Variants in LRRIQ3 observed in about 807,000 individuals in gnomAD.
LRRIQ3 encodes leucine-rich repeat and IQ domain-containing protein 3.
LRRIQ3 carries 75 observed loss-of-function variants against 59.3 expected under a neutral mutation model. The ratio of observed to expected loss-of-function variants is 1.26; its 90% CI spans 1.05 to 1.53. The LOEUF is 1.53. LRRIQ3 is among the 40% of genes most tolerant of loss of function. The probability of loss-of-function intolerance (pLI) is 0.00; values close to 1 mark genes in which losing one functional copy is unlikely to be tolerated. For synonymous variants in LRRIQ3, 250 were observed against 231.3 expected (o/e 1.08, Z -0.73); for missense variants, 831 against 710.0 (o/e 1.17, Z -1.94).
intron 3 of LRRIQ3, among the ~76,000 whole-genome samples, chr1:74,170,958 T>C (rs1649287654): frequency 6.6e-6 from 1 of 152,150 alleles, no homozygotes; most frequent in South Asian, 2.1e-4. Flanking sequence ...CTTTCTTAAT[T>C]TCCTTTTCAG....
intron 7 of LRRIQ3, among the ~76,000 whole-genome samples, chr1:74,034,680 T>C (rs1193351215): frequency 6.7e-6 from 1 of 149,690 alleles, no homozygotes; most frequent in Non-Finnish European, 1.5e-5. Flanking sequence ...AAGTGTACAC[T>C]AAAGAAAATG....
At position 74,198,157 on chromosome 1, in the gene LRRIQ3, G is replaced by C. The variant is rs1651364575; in HGVS notation, c.-162C>G. The C allele has an allele frequency of 6.6e-7, 1 of 1,507,184 alleles. No homozygotes were observed. The allele number at this position is 1,507,184 out of a possible 1,614,324, so 93.4% of individuals were successfully genotyped here. On this transcript the variant is annotated 5_prime_UTR_variant, in exon 1 of 8. Transcript: ENST00000354431. ...TCATGGTTTTCCGGGCGCCAGCCAAGGCGCTCCGGGGGCGTGGTTACGTGG... is the reference window on the plus strand; with the variant it reads ...TCATGGTTTTCCGGGCGCCAGCCAACGCGCTCCGGGGGCGTGGTTACGTGG...
chr1:74,138,099 A>T (rs1385346052), intron 4 of LRRIQ3, among the ~76,000 whole-genome samples: 2 of 151,910 alleles, frequency 1.3e-5, no homozygotes, highest in African/African-American at 4.8e-5. Context: ...AATTTTAAAA[A>T]AAAAGGAAGA....
intron 5 of LRRIQ3, 152 bp downstream of exon 5, chr1:74,109,242 T>C: frequency 1.5e-6 from 1 of 645,490 alleles, no homozygotes; most frequent in Non-Finnish European, 2.7e-6. Context: ...CATTACTATA[T>C]AACTTTTTTC....
At chr1:74,162,434 T>C (rs1282832110) in intron 3 of LRRIQ3, among the ~76,000 whole-genome samples, 1 of 151,826 alleles carries the variant, frequency 6.6e-6, no homozygotes, top group Non-Finnish European at 1.5e-5. Context: ...AAATGATTGG[T>C]AGAATAATAG....
intron 4 of LRRIQ3, among the ~76,000 whole-genome samples, chr1:74,111,318 G>T (rs1646690910): frequency 6.6e-6 from 1 of 151,906 alleles, no homozygotes; most frequent in Admixed American, 6.6e-5. Context: ...TACATAGTCT[G>T]GTCTGGGATA....
At chr1:74,134,908 T>C (rs1190463695) in intron 4 of LRRIQ3, among the ~76,000 whole-genome samples, 1 of 151,962 alleles carries the variant, frequency 6.6e-6, no homozygotes, top group Non-Finnish European at 1.5e-5. Flanking sequence ...TAAATAATAA[T>C]TTTAAATGAG....
chr1:74,090,646 G>A (rs1223002758), intron 5 of LRRIQ3, among the ~76,000 whole-genome samples: 1 of 152,050 alleles, frequency 6.6e-6, no homozygotes, highest in Non-Finnish European at 1.5e-5. Flanking sequence ...CCAGCACTTT[G>A]AAAGGCCAAT....
chr1:74,071,166 TTA>T (rs1022441702), intron 6 of LRRIQ3, among the ~76,000 whole-genome samples: 1 of 151,834 alleles, frequency 6.6e-6, no homozygotes, highest in African/African-American at 2.4e-5. Context: ...ATCTATGTAG[TTA>T]TATATAGTTA....
At chr1:74,045,893 C>T (rs1309282671) in intron 6 of LRRIQ3, among the ~76,000 whole-genome samples, 4 of 152,062 alleles carry the variant, frequency 2.6e-5, no homozygotes, top group Non-Finnish European at 5.9e-5. Context: ...AGGAGTACAG[C>T]TAACAAGGGA....
intron 6 of LRRIQ3, among the ~76,000 whole-genome samples, chr1:74,054,792 A>T (rs937419179): frequency 6.8e-6 from 1 of 147,788 alleles, no homozygotes; most frequent in Non-Finnish European, 1.5e-5. Context: ...ATAAATACAC[A>T]CATACATACA....
rs554375975 is a variant in LRRIQ3 at position 74,083,942 on chromosome 1, T to G, written c.868-9152A>C. The G allele has an allele frequency of 1.8e-5, 7 of 385,848 alleles. No homozygotes were observed. In the South Asian group the frequency reaches 7.1e-4, roughly 39 times the overall value. 23.9% of individuals were successfully genotyped at this position (385,848 alleles called of 1,614,324 possible). ...CAATTTAAGAATTGTAATGTTAGCT[T>G]TCTTATATGAGGAAGGAAATAATAT... On this transcript the variant is annotated intron_variant, in intron 5 of 7. Coordinates refer to ENST00000354431, the MANE Select transcript of LRRIQ3 (RefSeq NM_001105659.2).
intron 5 of LRRIQ3, among the ~76,000 whole-genome samples, chr1:74,075,510 T>C (rs1330179037): frequency 6.6e-6 from 1 of 150,758 alleles, no homozygotes; most frequent in East Asian, 2.0e-4. Context: ...GACATTGCAG[T>C]GAGCCAAGAT....
intron 5 of LRRIQ3, among the ~76,000 whole-genome samples, chr1:74,075,708 A>G (rs1646199094): frequency 6.6e-6 from 1 of 152,202 alleles, no homozygotes; most frequent in African/African-American, 2.4e-5. Flanking sequence ...TTTTAGTGAC[A>G]GTGTTATCTG....
At chr1:74,032,984 T>A (rs186996932) in intron 7 of LRRIQ3, among the ~76,000 whole-genome samples, 1 of 152,148 alleles carries the variant, frequency 6.6e-6, no homozygotes, top group East Asian at 1.9e-4. Flanking sequence ...GGAAGTTGAA[T>A]GAATTAAAGC....
intron 5 of LRRIQ3, among the ~76,000 whole-genome samples, chr1:74,078,128 G>C (rs186072368): frequency 1.3e-5 from 2 of 151,692 alleles, no homozygotes; most frequent in African/African-American, 4.8e-5. Flanking sequence ...AATATCCTTC[G>C]CATGGTAAAC....
chr1:74,108,824 A>G, intron 5 of LRRIQ3: 1 of 329,058 alleles, frequency 3.0e-6, no homozygotes, highest in Non-Finnish European at 5.9e-6. Context: ...AGCTTTTGGT[A>G]AGTTAATTAA....
At chr1:74,103,599 T>A (rs1646564244) in intron 5 of LRRIQ3, among the ~76,000 whole-genome samples, 1 of 152,006 alleles carries the variant, frequency 6.6e-6, no homozygotes, top group African/African-American at 2.4e-5. Flanking sequence ...TACTTAAACA[T>A]ATTTTTTAGC....
intron 3 of LRRIQ3, among the ~76,000 whole-genome samples, chr1:74,160,478 G>A (rs1341240402): frequency 6.6e-6 from 1 of 151,940 alleles, no homozygotes; most frequent in African/African-American, 2.4e-5. Context: ...ATTTTTCCCA[G>A]TACTCAGATT....
Sources: gnomAD v4.1 joint callset for allele counts (sites outside exome capture counted in the v4.1 genomes callset) on GRCh38, gnomAD v4.1.1 for gene constraint, MANE v1.5 for transcripts, NCBI Gene and HGNC (gene_info 2026-07-23, HGNC 2026-07-21) for gene names.